Variants in RRAS observed in about 807,000 individuals in gnomAD.
RRAS encodes the protein ras-related protein R-Ras.
Under a neutral mutation model 23.3 loss-of-function variants are expected in RRAS, and 18 were observed. The observed-to-expected ratio is 0.77, with a 90% confidence interval of 0.53 to 1.15. The LOEUF (loss-of-function observed/expected upper bound fraction) is 1.15, where lower values mean the gene tolerates loss of function less well. Among genes scored for constraint, RRAS ranks in the 50% most tolerant of loss-of-function variants. The pLI, the probability that RRAS is intolerant of heterozygous loss-of-function variation, is 0.00. For synonymous variants in RRAS, 133 were observed against 138.3 expected, an observed-to-expected ratio of 0.96 and a Z score of 0.27; for missense variants, 291 against 317.1, an observed-to-expected ratio of 0.92 and a Z score of 0.62.
chr19:49,640,134 C>CG lies in RRAS; in HGVS notation c.-37dup, dbSNP rs2081016403. The CG allele has an allele frequency of 2.9e-6, 4 of 1,357,946 alleles. No individual in the cohort carries two copies. The highest frequency in any genetic ancestry group is 3.8e-6 in the Non-Finnish European group (4 of 1,064,662). The allele number at this position is 1,357,946 out of a possible 1,614,324, so 84.1% of individuals were successfully genotyped here. Reference sequence around the variant, plus strand: ...CTGCTGCTGCCTTCGCTACCGCCTGCGGGGGAGCCGGGCGGGACCCGGGGG... The same window carrying CG: ...CTGCTGCTGCCTTCGCTACCGCCTGCGGGGGGAGCCGGGCGGGACCCGGGGG... On this transcript the variant is annotated 5_prime_UTR_variant, in exon 1 of 6. Coordinates refer to ENST00000246792, the MANE Select transcript of RRAS (RefSeq NM_006270.5).
Position 49,635,564 on chromosome 19 carries a change from C to G in RRAS, c.*12G>C. On this transcript the variant is annotated 3_prime_UTR_variant, in exon 6 of 6. Coordinates refer to ENST00000246792, the MANE Select transcript of RRAS (RefSeq NM_006270.5). ...CCGAGAGCTTGTGGTGGTTGCTTCT[C>G]TCTTGCCTGGGCTACAGGAGGACGC... is the stretch of plus-strand genomic sequence containing the variant. The G allele has an allele frequency of 1.4e-6, 2 of 1,419,452 alleles. No homozygotes were observed. The highest frequency in any genetic ancestry group is 1.9e-6 in the Non-Finnish European group (2 of 1,076,830). 87.9% of individuals were successfully genotyped at this position (1,419,452 alleles called of 1,614,324 possible). A position where few individuals can be genotyped will look rare whatever the true frequency, so the allele number is the denominator to read the frequency against.
chr19:49,640,037 G>A lies in RRAS; in HGVS notation c.62C>T (p.Pro21Leu). The change falls in exon 1 of 6, where the codon CCC becomes CTC. Residue 21 changes from proline to leucine, a missense_variant. Transcript: ENST00000246792. ...RGRPRGGGPGPGDPPPSETHK... is the reference protein window; with the variant it reads ...RGRPRGGGPGLGDPPPSETHK... Reference sequence around the variant, plus strand: ...TGTCTCGCTGGGCGGGGGGTCCCCGGGCCCAGGTCCCCCGCCCCGGGGCCG... The same window carrying A: ...TGTCTCGCTGGGCGGGGGGTCCCCGAGCCCAGGTCCCCCGCCCCGGGGCCG... 6.5e-7 allele frequency: 1 copy of A among 1,531,542 alleles called. No homozygotes were observed. Among genetic ancestry groups the A allele is most frequent in the South Asian group, 1.2e-5 (1 of 84,846 alleles). 94.9% of individuals were successfully genotyped at this position (1,531,542 alleles called of 1,614,324 possible).
rs1279239346 is a variant in RRAS, at chr19:49,636,138, C to T, written c.454-286G>A. Among the ~76,000 whole-genome samples the T allele has an allele frequency of 2.0e-5, 3 of 152,132 alleles. No homozygotes were observed. The highest frequency in any genetic ancestry group is 4.4e-5 in the Non-Finnish European group (3 of 68,026). ...TTCCCGGCAGAGGCAGGCGGAACCC[C>T]AAAGCCTGGAAATCCCCAGAGCCTT... On this transcript the variant is annotated intron_variant, in intron 4 of 5. Transcript: ENST00000246792. The surrounding 1 kb of genome is among the most constrained non-coding windows in gnomAD (Gnocchi z 4.5).
At position 49,637,063 on chromosome 19, in the gene RRAS, C is replaced by T. The variant is rs1341890953; in HGVS notation, c.221G>A (p.Gly74Asp). Reference protein sequence around the residue: ...DSYTKICSVDGIPARLDILDT... With the variant: ...DSYTKICSVDDIPARLDILDT... Reference sequence around the variant, plus strand: ...CTCACTGTCCAGCCGGGCTGGGATGCCATCCACACTGCAGATCTTCGTGTA... The same window carrying T: ...CTCACTGTCCAGCCGGGCTGGGATGTCATCCACACTGCAGATCTTCGTGTA... Residue 74 changes from glycine (G) to aspartate (D), a missense_variant, in exon 2 of 6, where the codon GGC becomes GAC. Coordinates refer to ENST00000246792, the MANE Select transcript of RRAS (RefSeq NM_006270.5). 1.9e-6 allele frequency: 3 copies of T among 1,613,574 alleles called. No homozygotes were observed. The highest frequency in any genetic ancestry group is 2.2e-5 in the East Asian group (1 of 44,890).
chr19:49,637,536 T>G (rs2081002676), intron 1 of RRAS, among the ~76,000 whole-genome samples: 1 of 152,022 alleles, frequency 6.6e-6, no homozygotes, highest in Non-Finnish European at 1.5e-5. Flanking sequence ...CTCGAACTCC[T>G]GACCTCAGGT....
chr19:49,636,765 G>GCAGAGC lies in RRAS; in HGVS notation c.345-44_345-39dup. 3 of 1,608,744 alleles carry GCAGAGC rather than the reference G, an allele frequency of 1.9e-6. No homozygotes were observed. Among genetic ancestry groups the GCAGAGC allele is most frequent in the Non-Finnish European group, 1.7e-6 (2 of 1,175,804 alleles). Reference sequence around the variant, plus strand: ...CCGGAGGCATGAGGTCCAGCCAGCTGCAGAGCCCAGGTCCTCCCCACACCC... The same window carrying GCAGAGC: ...CCGGAGGCATGAGGTCCAGCCAGCTGCAGAGCCAGAGCCCAGGTCCTCCCCACACCC... On this transcript the variant is annotated intron_variant, in intron 3 of 5. Coordinates refer to ENST00000246792, the MANE Select transcript of RRAS (RefSeq NM_006270.5). The surrounding 1 kb of genome is among the most constrained non-coding windows in gnomAD (Gnocchi z 4.5).
chr19:49,637,735 T>G (rs1452379644), intron 1 of RRAS, among the ~76,000 whole-genome samples: 1 of 151,752 alleles, frequency 6.6e-6, no homozygotes, highest in African/African-American at 2.4e-5. Flanking sequence ...TCTGTCCCCT[T>G]CTCTTTGGGT....
At position 49,640,001 on chromosome 19, in the gene RRAS, A is replaced by G. The variant is rs2122429748; in HGVS notation, c.98T>C (p.Val33Ala). The change falls in exon 1 of 6, where the codon GTG becomes GCG. Residue 33 changes from valine (V) to alanine (A), a missense_variant. Coordinates refer to ENST00000246792, the MANE Select transcript of RRAS (RefSeq NM_006270.5). ...GCCCACGCCGCCGCCGCCCACGACCACCAGCTTGTGTGTCTCGCTGGGCGG... is the reference window on the plus strand; with the variant it reads ...GCCCACGCCGCCGCCGCCCACGACCGCCAGCTTGTGTGTCTCGCTGGGCGG... ...DPPPSETHKLVVVGGGGVGKS... is the reference protein window; with the variant it reads ...DPPPSETHKLAVVGGGGVGKS... 1 of 1,583,270 alleles carries G rather than the reference A, an allele frequency of 6.3e-7. No homozygotes were observed. Among genetic ancestry groups the G allele is most frequent in the Admixed American group, 1.7e-5 (1 of 58,360 alleles).
rs369508242 is a variant in RRAS at position 49,636,701 on chromosome 19, G to C, written c.371C>G (p.Thr124Arg). The C allele has an allele frequency of 1.2e-6, 2 of 1,614,148 alleles. No homozygotes were observed. Among genetic ancestry groups the C allele is most frequent in the African/African-American group, 2.7e-5 (2 of 75,044 alleles). Residue 124 changes from threonine to arginine, a missense_variant, in exon 4 of 6, where the codon ACG (threonine) becomes AGG (arginine). Thr to Arg is a moderately conservative substitution (Grantham distance 71). Transcript: ENST00000246792. This position sits in a 1 kb window ranked among gnomAD's most constrained non-coding sequence, Gnocchi z 4.5. ...QSFNEVGKLF[T>R]QILRVKDRDD... ...GCGGTCCTTGACCCGCAGAATCTGC[G>C]TGAAGAGCTTGCCCACCTCGTTGAA...
intron 1 of RRAS, among the ~76,000 whole-genome samples, chr19:49,639,034 G>C (rs1191656556): frequency 1.3e-5 from 2 of 152,060 alleles, no homozygotes. Context: ...TCTCGGGTCG[G>C]AGAGCAGGAC....
At position 49,640,116 on chromosome 19, in the gene RRAS, T is replaced by G; in HGVS notation, c.-18A>C. ...CTGCTCATGTCGCCACCGCTGCTGC[T>G]GCCTTCGCTACCGCCTGCGGGGGAG... is the stretch of plus-strand genomic sequence containing the variant. On this transcript the variant is annotated 5_prime_UTR_variant, in exon 1 of 6. Transcript: ENST00000246792. The G allele has an allele frequency of 7.3e-7, 1 of 1,368,696 alleles. No homozygotes were observed. The highest frequency in any genetic ancestry group is 9.3e-7 in the Non-Finnish European group (1 of 1,071,592). 84.8% of individuals were successfully genotyped at this position (1,368,696 alleles called of 1,614,324 possible).
chr19:49,639,844 G>C, intron 1 of RRAS, 102 bp downstream of exon 1: 1 of 943,908 alleles, frequency 1.1e-6, no homozygotes, highest in African/African-American at 1.7e-5. Flanking sequence ...CCTTATAGGA[G>C]GGTCTCAGTG....
In RRAS at chr19:49,636,525, G is replaced by C; in HGVS notation, c.453+94C>G. On this transcript the variant is annotated intron_variant, in intron 4 of 5. Coordinates refer to ENST00000246792, the MANE Select transcript of RRAS (RefSeq NM_006270.5). This position sits in a 1 kb window ranked among gnomAD's most constrained non-coding sequence, Gnocchi z 4.5. ...GTGTGACAGTGGCAGTCGCAGCACT[G>C]CAGGAACAGAGGAGGATGCTGATGG... 1.1e-6 allele frequency: 1 copy of C among 930,668 alleles called. No homozygotes were observed. The highest frequency in any genetic ancestry group is 1.8e-6 in the Non-Finnish European group (1 of 565,816). The allele number at this position is 930,668 out of a possible 1,614,324, so 57.7% of individuals were successfully genotyped here. A position where few individuals can be genotyped will look rare whatever the true frequency, so the allele number is the denominator to read the frequency against.
intron 1 of RRAS, among the ~76,000 whole-genome samples, chr19:49,638,521 G>C (rs1008233688): frequency 2.0e-5 from 3 of 152,084 alleles, no homozygotes; most frequent in African/African-American, 7.2e-5. Flanking sequence ...GAGGCTAGGG[G>C]TCTGAAGGCT....
At position 49,636,779 on chromosome 19, in the gene RRAS, C is replaced by G. The variant is rs1303835771; in HGVS notation, c.344+45G>C. On this transcript the variant is annotated intron_variant, in intron 3 of 5. Transcript: ENST00000246792. This position sits in a 1 kb window ranked among gnomAD's most constrained non-coding sequence, Gnocchi z 4.5. ...TCCAGCCAGCTGCAGAGCCCAGGTC[C>G]TCCCCACACCCACCCACTGCTCCGC... 2 of 1,607,804 alleles carry G rather than the reference C, an allele frequency of 1.2e-6. No homozygotes were observed. Among genetic ancestry groups the G allele is most frequent in the Non-Finnish European group, 8.5e-7 (1 of 1,175,266 alleles).
In RRAS at chr19:49,635,423, C is replaced by T. The variant is rs372301431; in HGVS notation, c.*153G>A. 253 of 451,714 alleles carry T rather than the reference C, an allele frequency of 5.6e-4. 3 individuals are homozygous for T. The East Asian group carries it at 5.9e-3, about 10-fold the overall frequency. The allele number at this position is 451,714 out of a possible 1,614,324, so 28.0% of individuals were successfully genotyped here. A position where few individuals can be genotyped will look rare whatever the true frequency, so the allele number is the denominator to read the frequency against. On this transcript the variant is annotated 3_prime_UTR_variant, in exon 6 of 6. Coordinates refer to ENST00000246792, the MANE Select transcript of RRAS (RefSeq NM_006270.5). ...CAGAAGGCACACAGTGGCAGTAGCC[C>T]AGAAGAGGCCAGGAAGTAAGGGTGG...
At chr19:49,639,449 A>AG (rs2122427787) in intron 1 of RRAS, among the ~76,000 whole-genome samples, 1 of 150,954 alleles carries the variant, frequency 6.6e-6, no homozygotes, top group Admixed American at 6.6e-5. Flanking sequence ...AAAAAAAAAA[A>AG]AAAAGAAAAA....
chr19:49,636,744 A>G lies in RRAS; in HGVS notation c.345-17T>C. 1.2e-6 allele frequency: 2 copies of G among 1,612,614 alleles called. No individual in the cohort carries two copies. The highest frequency in any genetic ancestry group is 2.7e-5 in the African/African-American group (2 of 75,006). Reference sequence around the variant, plus strand: ...TCGTTGAAACTGCGAGTGAAGCCGGAGGCATGAGGTCCAGCCAGCTGCAGA... The same window carrying G: ...TCGTTGAAACTGCGAGTGAAGCCGGGGGCATGAGGTCCAGCCAGCTGCAGA... On this transcript the variant is annotated splice_polypyrimidine_tract_variant and intron_variant, in intron 3 of 5. Transcript: ENST00000246792. The surrounding 1 kb of genome is among the most constrained non-coding windows in gnomAD (Gnocchi z 4.5).
Position 49,635,516 on chromosome 19 carries a change from G to T in RRAS, c.*60C>A. The T allele has an allele frequency of 9.0e-7, 1 of 1,113,674 alleles. No homozygotes were observed. Among genetic ancestry groups the T allele is most frequent in the East Asian group, 2.7e-5 (1 of 36,448 alleles). The allele number at this position is 1,113,674 out of a possible 1,614,324, so 69.0% of individuals were successfully genotyped here. On this transcript the variant is annotated 3_prime_UTR_variant, in exon 6 of 6. Coordinates refer to ENST00000246792, the MANE Select transcript of RRAS (RefSeq NM_006270.5). ...CTCAGTGAGGGCCTCAGGTCACACA[G>T]CAAGGTGCGAAGGCAGCTAGTCCCG...
Sources: allele counts gnomAD v4.1 joint callset (sites outside exome capture counted in the v4.1 genomes callset), GRCh38; gene constraint gnomAD v4.1.1; non-coding constraint Gnocchi (gnomAD v3.1); transcripts MANE v1.5; gene names NCBI Gene and HGNC (gene_info 2026-07-23, HGNC 2026-07-21).